Variants in RORA observed in about 807,000 individuals in gnomAD.
RORA encodes the protein RAR related orphan receptor A, also known as nuclear receptor ROR-alpha.
In RORA, 7 loss-of-function variants were observed where a neutral mutation model predicts 69.5. The observed-to-expected ratio is 0.10, with a 90% CI of 0.06 to 0.19. The LOEUF is 0.19. Among genes scored for constraint, RORA ranks in the 10% least tolerant of loss-of-function variants. The pLI, the probability that RORA is intolerant of heterozygous loss-of-function variation, is 1.00. For missense variants in RORA, 457 were observed against 663.0 expected (o/e 0.69, Z 3.41); for synonymous variants, 261 against 240.8 (o/e 1.08, Z -0.78).
intron 1 of RORA, among the ~76,000 whole-genome samples, chr15:61,206,883 C>T (rs1032784153): frequency 5.9e-5 from 9 of 152,176 alleles, no homozygotes; most frequent in Non-Finnish European, 8.8e-5. Flanking sequence ...GCAAAGCTTT[C>T]GCAGGACCCA....
chr15:61,131,550 G>C lies in RORA; in HGVS notation c.166+97503C>G, dbSNP rs138194560. On this transcript the variant is annotated intron_variant, in intron 1 of 10. Transcript: ENST00000335670. This position sits in a 1 kb window ranked among gnomAD's most constrained non-coding sequence, Gnocchi z 4.2. The stretch of plus-strand genomic sequence containing the variant: ...ACTTTGGCCATCCACTGGAAAACTG[G>C]AGGAACTGGGATCTAGTTACTCATG... Among the ~76,000 whole-genome samples, 1 of 152,184 alleles carries C rather than the reference G, an allele frequency of 6.6e-6. No homozygotes were observed. Among genetic ancestry groups the C allele is most frequent in the Non-Finnish European group, 1.5e-5 (1 of 68,028 alleles).
intron 1 of RORA, among the ~76,000 whole-genome samples, chr15:61,208,469 T>A (rs532103661): frequency 6.6e-6 from 1 of 152,172 alleles, no homozygotes; most frequent in Admixed American, 6.5e-5. Context: ...TGAACTAGAC[T>A]GTGGTGGTGG....
intron 1 of RORA, among the ~76,000 whole-genome samples, chr15:60,960,287 C>T (rs921598155): frequency 1.9e-4 from 29 of 152,150 alleles, no homozygotes; most frequent in African/African-American, 6.5e-4. Context: ...AAGCATGGTG[C>T]TCTCATGCAA....
chr15:60,766,687 C>G (rs1482292310), intron 1 of RORA, among the ~76,000 whole-genome samples: 3 of 149,544 alleles, frequency 2.0e-5, no homozygotes, highest in Non-Finnish European at 4.4e-5. Flanking sequence ...TTTTTTTTCC[C>G]AAGGATCTGC....
intron 1 of RORA, among the ~76,000 whole-genome samples, chr15:60,793,387 A>C (rs576630819): frequency 9.2e-5 from 14 of 152,350 alleles, no homozygotes; most frequent in African/African-American, 3.4e-4. Context: ...CAACAAAAAA[A>C]TATGCTGCCA....
intron 1 of RORA, among the ~76,000 whole-genome samples, chr15:60,708,724 T>G (rs1441631373): frequency 6.6e-6 from 1 of 152,216 alleles, no homozygotes; most frequent in Non-Finnish European, 1.5e-5. Context: ...TCCCAGGGTA[T>G]AGCGGCAATA....
chr15:60,577,338 T>C (rs1416203786), intron 2 of RORA, among the ~76,000 whole-genome samples: 2 of 152,182 alleles, frequency 1.3e-5, no homozygotes, highest in Non-Finnish European at 2.9e-5. Context: ...CTGTATACTT[T>C]TATGCTTCTA....
intron 1 of RORA, among the ~76,000 whole-genome samples, chr15:60,951,190 G>C (rs892922017): frequency 2.6e-5 from 4 of 152,036 alleles, no homozygotes; most frequent in Admixed American, 6.6e-5. Flanking sequence ...TGAATGACTA[G>C]TGGATACATA....
At chr15:60,616,547 A>G (rs1282340181) in intron 2 of RORA, among the ~76,000 whole-genome samples, 1 of 152,220 alleles carries the variant, frequency 6.6e-6, no homozygotes, top group East Asian at 1.9e-4. Context: ...AAGAGCCGGG[A>G]AGAGCAGCAG....
At chr15:60,634,928 T>C (rs1209305110) in intron 2 of RORA, among the ~76,000 whole-genome samples, 3 of 152,246 alleles carry the variant, frequency 2.0e-5, no homozygotes, top group Non-Finnish European at 4.4e-5. Context: ...GTTCCAGGTA[T>C]GTGATAAACA....
intron 1 of RORA, among the ~76,000 whole-genome samples, chr15:60,739,382 G>A (rs1290438980): frequency 6.6e-6 from 1 of 152,028 alleles, no homozygotes; most frequent in Non-Finnish European, 1.5e-5. Context: ...ACCAGCCTAG[G>A]CAACATGGCA....
chr15:61,004,591 C>T (rs1894854687), intron 1 of RORA, among the ~76,000 whole-genome samples: 1 of 152,050 alleles, frequency 6.6e-6, no homozygotes, highest in Non-Finnish European at 1.5e-5. Context: ...GTACTCTGAA[C>T]CCCCACTTCC....
intron 2 of RORA, among the ~76,000 whole-genome samples, chr15:60,634,949 G>T (rs1379856349): frequency 6.6e-6 from 1 of 152,192 alleles, no homozygotes; most frequent in Non-Finnish European, 1.5e-5. Flanking sequence ...TCTCACTAGT[G>T]AACTTCTTGC....
intron 5 of RORA, among the ~76,000 whole-genome samples, chr15:60,506,240 C>T (rs2065496558): frequency 6.6e-6 from 1 of 151,652 alleles, no homozygotes; most frequent in African/African-American, 2.4e-5. Context: ...TATTTAACCT[C>T]TTTGTGCTTG....
intron 1 of RORA, among the ~76,000 whole-genome samples, chr15:60,740,077 G>A (rs928159431): frequency 2.0e-5 from 3 of 152,096 alleles, no homozygotes; most frequent in East Asian, 1.9e-4. Context: ...AAGGGAGCGG[G>A]GGAAACTGGA....
chr15:61,061,226 G>A lies in RORA; in HGVS notation c.166+167827C>T, dbSNP rs1416288867. Among the ~76,000 whole-genome samples, 4 of 152,060 alleles carry A rather than the reference G, an allele frequency of 2.6e-5. No individual in the cohort carries two copies. The highest frequency in any genetic ancestry group is 1.3e-4 in the Admixed American group (2 of 15,270). On this transcript the variant is annotated intron_variant, in intron 1 of 10. Transcript: ENST00000335670. This position sits in a 1 kb window ranked among gnomAD's most constrained non-coding sequence, Gnocchi z 4.4. ...ACATTAGCCGGGCATGGTGGCGGGC[G>A]CCTGTGGTCCCAGCTACTCGGGAGG...
At chr15:60,822,626 A>C (rs1288218104) in intron 1 of RORA, among the ~76,000 whole-genome samples, 1 of 152,212 alleles carries the variant, frequency 6.6e-6, no homozygotes, top group Non-Finnish European at 1.5e-5. Context: ...GAGTGTGTGA[A>C]TCAGCATCTG....
intron 1 of RORA, among the ~76,000 whole-genome samples, chr15:61,037,603 T>C (rs565218874): frequency 2.0e-5 from 3 of 152,192 alleles, no homozygotes; most frequent in Non-Finnish European, 4.4e-5. Flanking sequence ...AGAGATGACC[T>C]TGGAATGCAG....
At chr15:60,764,328 C>A (rs899213679) in intron 1 of RORA, among the ~76,000 whole-genome samples, 1 of 151,780 alleles carries the variant, frequency 6.6e-6, no homozygotes, top group Non-Finnish European at 1.5e-5. Context: ...TGACCTTGGG[C>A]GAGTCTTTGA....
Sources: gnomAD v4.1 joint callset for allele counts (sites outside exome capture counted in the v4.1 genomes callset) on GRCh38, gnomAD v4.1.1 for gene constraint, Gnocchi (gnomAD v3.1) non-coding constraint, MANE v1.5 for transcripts, NCBI Gene and HGNC (gene_info 2026-07-23, HGNC 2026-07-21) for gene names.